Variants in AGBL1 observed in about 807,000 individuals in gnomAD.
AGBL1 encodes AGBL carboxypeptidase 1, also known as cytosolic carboxypeptidase 4.
Under a neutral mutation model 118.9 loss-of-function variants are expected in AGBL1, and 130 were observed. The ratio of observed to expected loss-of-function variants is 1.09; its 90% CI spans 0.95 to 1.26. The LOEUF (loss-of-function observed/expected upper bound fraction) is 1.26. AGBL1 is among the 50% of genes most tolerant of loss of function. The probability of loss-of-function intolerance (pLI) is 0.00; values close to 1 mark genes in which losing one functional copy is unlikely to be tolerated. For synonymous variants in AGBL1, 555 were observed against 478.9 expected (o/e 1.16, Z -2.08); for missense variants, 1,584 against 1,298.1 (o/e 1.22, Z -3.38).
chr15:86,899,489 G>C (rs1373124746), intron 22 of AGBL1, among the ~76,000 whole-genome samples: 1 of 152,082 alleles, frequency 6.6e-6, no homozygotes, highest in African/African-American at 2.4e-5. Context: ...CATGACACAA[G>C]TTTACCTATG....
At chr15:86,708,073 A>G (rs928499922) in intron 22 of AGBL1, among the ~76,000 whole-genome samples, 2 of 152,058 alleles carry the variant, frequency 1.3e-5, no homozygotes, top group African/African-American at 4.8e-5. Flanking sequence ...GCCATTCTTA[A>G]TATTTTTCAT....
At chr15:86,421,706 C>T (rs1442995370) in intron 18 of AGBL1, among the ~76,000 whole-genome samples, 1 of 150,090 alleles carries the variant, frequency 6.7e-6, no homozygotes, top group Non-Finnish European at 1.5e-5. Context: ...TCAGGAGACC[C>T]ATCTCACATG....
intron 18 of AGBL1, among the ~76,000 whole-genome samples, chr15:86,440,831 T>C (rs2082055424): frequency 6.6e-6 from 1 of 152,074 alleles, no homozygotes; most frequent in Non-Finnish European, 1.5e-5. Flanking sequence ...ACCAAGGGAA[T>C]ATAGTTAAAG....
At chr15:86,852,087 A>G (rs913855627) in intron 22 of AGBL1, among the ~76,000 whole-genome samples, 8 of 152,164 alleles carry the variant, frequency 5.3e-5, no homozygotes, top group African/African-American at 1.9e-4. Flanking sequence ...CTATAAATAT[A>G]CTACCCGACA....
At chr15:86,236,206 C>T (rs772302390) in intron 6 of AGBL1, among the ~76,000 whole-genome samples, 3 of 152,168 alleles carry the variant, frequency 2.0e-5, no homozygotes, top group Non-Finnish European at 4.4e-5. Context: ...AGAGACGCTG[C>T]TCAGCCTTTT....
chr15:86,704,004 A>G (rs1211572991), intron 22 of AGBL1, among the ~76,000 whole-genome samples: 3 of 152,150 alleles, frequency 2.0e-5, no homozygotes, highest in Non-Finnish European at 2.9e-5. Flanking sequence ...CAGCCATCTG[A>G]TCTTCAACAA....
intron 18 of AGBL1, among the ~76,000 whole-genome samples, chr15:86,494,449 T>C (rs1054428231): frequency 6.6e-6 from 1 of 152,052 alleles, no homozygotes; most frequent in Admixed American, 6.6e-5. Context: ...ATCATTATTC[T>C]TTCCCCTCAC....
At position 86,552,466 on chromosome 15, in the gene AGBL1, T is replaced by A. The variant is rs558227678; in HGVS notation, c.2818-1895T>A. ...AGTTAAAGCTATTTGCCAGTATTAT[T>A]GATCACTTTAGTTGCAGGATATGGA... On this transcript the variant is annotated intron_variant, in intron 20 of 22. Coordinates refer to ENST00000614907, the MANE Select transcript of AGBL1 (RefSeq NM_001386094.1). Among the ~76,000 whole-genome samples the A allele has an allele frequency of 8.1e-4, 123 of 152,358 alleles. 1 individual carries two copies. The highest frequency in any genetic ancestry group is 1.5e-4 in the Non-Finnish European group (10 of 68,034).
chr15:86,432,504 G>T (rs2142040735), intron 18 of AGBL1, among the ~76,000 whole-genome samples: 1 of 152,302 alleles, frequency 6.6e-6, no homozygotes, highest in African/African-American at 2.4e-5. Flanking sequence ...TAGGTGTAAA[G>T]TGCCATTTTT....
intron 22 of AGBL1, among the ~76,000 whole-genome samples, chr15:86,782,298 A>G (rs2078347060): frequency 6.6e-6 from 1 of 152,142 alleles, no homozygotes. Flanking sequence ...TTTTCCATAT[A>G]TAATGTCTGA....
intron 21 of AGBL1, among the ~76,000 whole-genome samples, chr15:86,581,861 T>G (rs577052080): frequency 7.9e-5 from 12 of 152,162 alleles, no homozygotes; most frequent in Admixed American, 1.3e-4. Flanking sequence ...CCTCTCTTCA[T>G]CAAGGACATG....
chr15:86,147,254 G>A (rs1465904162), intron 3 of AGBL1, among the ~76,000 whole-genome samples: 1 of 152,130 alleles, frequency 6.6e-6, no homozygotes, highest in Non-Finnish European at 1.5e-5. Context: ...CATCTCACTG[G>A]TGCTGGTTGG....
At chr15:86,712,608 T>C (rs998019513) in intron 22 of AGBL1, among the ~76,000 whole-genome samples, 4 of 152,138 alleles carry the variant, frequency 2.6e-5, no homozygotes, top group African/African-American at 9.7e-5. Context: ...GAATGAACAT[T>C]TACATTTTGG....
chr15:86,178,936 G>A (rs974843059), intron 5 of AGBL1, among the ~76,000 whole-genome samples: 1 of 152,182 alleles, frequency 6.6e-6, no homozygotes, highest in Non-Finnish European at 1.5e-5. Context: ...GGCTCTCAAT[G>A]CAATAGAAAT....
chr15:86,196,864 CAT>C (rs1284128874), intron 5 of AGBL1, among the ~76,000 whole-genome samples: 1 of 93,398 alleles, frequency 1.1e-5, no homozygotes, highest in African/African-American at 5.3e-5. Context: ...CGAATGTGCA[CAT>C]GTGCGCGCGC....
At chr15:87,024,274 C>A (rs1043561085) in intron 24 of AGBL1, among the ~76,000 whole-genome samples, 1 of 151,628 alleles carries the variant, frequency 6.6e-6, no homozygotes, top group Non-Finnish European at 1.5e-5. Context: ...CAAATAAGTT[C>A]AATAAGAAAT....
chr15:86,958,200 G>A (rs1163252534), intron 23 of AGBL1, among the ~76,000 whole-genome samples: 1 of 132,350 alleles, frequency 7.6e-6, no homozygotes, highest in Non-Finnish European at 1.6e-5. Flanking sequence ...GCAAGATCTT[G>A]TTTCTTAAAA....
At chr15:86,475,847 G>A (rs1166283251) in intron 18 of AGBL1, among the ~76,000 whole-genome samples, 1 of 152,168 alleles carries the variant, frequency 6.6e-6, no homozygotes, top group African/African-American at 2.4e-5. Context: ...ACCCACAAAG[G>A]GAAGCCCATC....
At chr15:86,176,145 G>A (rs983560100) in intron 5 of AGBL1, among the ~76,000 whole-genome samples, 1 of 152,200 alleles carries the variant, frequency 6.6e-6, no homozygotes, top group East Asian at 1.9e-4. Context: ...GGTGGGTAGA[G>A]CAGGTTAATC....
Sources: allele counts gnomAD v4.1 joint callset (sites outside exome capture counted in the v4.1 genomes callset), GRCh38; gene constraint gnomAD v4.1.1; transcripts MANE v1.5; gene names NCBI Gene and HGNC (gene_info 2026-07-23, HGNC 2026-07-21).